The following MTUS2 variants were observed in gnomAD, a reference collection of about 807,000 sequenced individuals.
MTUS2 encodes microtubule-associated tumor suppressor candidate 2.
Under a neutral mutation model 114.1 loss-of-function variants are expected in MTUS2, and 40 were observed. That is an observed-to-expected ratio of 0.35 (90% CI 0.27 to 0.46). The LOEUF (loss-of-function observed/expected upper bound fraction) is 0.46, where lower values mean the gene tolerates loss of function less well. MTUS2 is among the 20% of genes least tolerant of loss of function. The pLI, the probability that MTUS2 is intolerant of heterozygous loss-of-function variation, is 1.00. For missense variants in MTUS2, 1,679 were observed against 1,705.4 expected, an observed-to-expected ratio of 0.98 and a Z score of 0.27; for synonymous variants, 688 against 672.0, an observed-to-expected ratio of 1.02 and a Z score of -0.37.
At chr13:28,903,016 A>G (rs1475463299) in intron 2 of MTUS2, among the ~76,000 whole-genome samples, 1 of 152,080 alleles carries the variant, frequency 6.6e-6, no homozygotes, top group Admixed American at 6.6e-5. Context: ...GGGCTGTTCA[A>G]ATGATTTCTT....
chr13:28,965,925 A>G (rs974816043), intron 2 of MTUS2, among the ~76,000 whole-genome samples: 2 of 152,206 alleles, frequency 1.3e-5, no homozygotes, highest in African/African-American at 4.8e-5. Flanking sequence ...CTTTACAGCA[A>G]CATCTAGATG....
intron 2 of MTUS2, among the ~76,000 whole-genome samples, chr13:29,013,787 C>T (rs1037927646): frequency 5.3e-5 from 8 of 152,358 alleles, no homozygotes; most frequent in South Asian, 2.1e-4. Flanking sequence ...CACACACATA[C>T]GTGCACAGGC....
chr13:28,847,783 A>G (rs2138015735), intron 2 of MTUS2, among the ~76,000 whole-genome samples: 1 of 152,284 alleles, frequency 6.6e-6, no homozygotes, highest in East Asian at 1.9e-4. Flanking sequence ...AGCAGCCCTG[A>G]AGACTGATGC....
At chr13:28,922,191 C>T (rs955821087) in intron 2 of MTUS2, among the ~76,000 whole-genome samples, 6 of 152,294 alleles carry the variant, frequency 3.9e-5, no homozygotes, top group Admixed American at 2.0e-4. Context: ...TTCCCCTTCA[C>T]GCTTCCACCA....
chr13:28,976,981 G>A lies in MTUS2; in HGVS notation c.-242-47476G>A, dbSNP rs118048075. Among the ~76,000 whole-genome samples the A allele has an allele frequency of 5.5e-3, 843 of 152,246 alleles. 7 individuals carry two copies. The highest frequency in any genetic ancestry group is 9.2e-3 in the Non-Finnish European group (626 of 68,012). On this transcript the variant is annotated intron_variant, in intron 2 of 15. Coordinates refer to ENST00000612955, the MANE Select transcript of MTUS2 (RefSeq NM_001033602.4). Reference sequence around the variant, plus strand: ...GGAAGGGATAGAGAGAAGGGGCTTAGGTTTTATGATATACCCTTCCCCCCT... The same window carrying A: ...GGAAGGGATAGAGAGAAGGGGCTTAAGTTTTATGATATACCCTTCCCCCCT...
rs11433859 is a variant in MTUS2, at chr13:29,365,494, G to GTT, written c.3117+6027_3117+6028dup. On this transcript the variant is annotated intron_variant, in intron 8 of 15. Transcript: ENST00000612955. ...CTCACTTATGCTTTGTCATCAATACGTTTTTTTGTTTGGGTTTGTGTGTGT... is the reference window on the plus strand; with the variant it reads ...CTCACTTATGCTTTGTCATCAATACGTTTTTTTTTGTTTGGGTTTGTGTGTGT... 5.7e-3 allele frequency among the ~76,000 whole-genome samples: 858 copies of GTT among 151,178 alleles called. 2 individuals are homozygous for GTT. The highest frequency in any genetic ancestry group is 0.011 in the Non-Finnish European group (719 of 67,894).
chr13:29,029,191 C>T (rs1026235600), intron 3 of MTUS2, among the ~76,000 whole-genome samples: 4 of 152,138 alleles, frequency 2.6e-5, no homozygotes, highest in Non-Finnish European at 4.4e-5. Flanking sequence ...AACGGACTTC[C>T]TACCTCACAT....
intron 2 of MTUS2, among the ~76,000 whole-genome samples, chr13:28,915,194 C>G (rs932612366): frequency 7.9e-5 from 12 of 151,812 alleles, no homozygotes; most frequent in African/African-American, 2.9e-4. Context: ...ATTTATTCAT[C>G]TGTTGATGGA....
chr13:28,924,938 A>G (rs1370279474), intron 2 of MTUS2, among the ~76,000 whole-genome samples: 1 of 151,908 alleles, frequency 6.6e-6, no homozygotes, highest in Non-Finnish European at 1.5e-5. Flanking sequence ...GCTTGGAAAG[A>G]TAAACCAGCA....
At chr13:28,941,187 A>G (rs1168150115) in intron 2 of MTUS2, among the ~76,000 whole-genome samples, 1 of 152,116 alleles carries the variant, frequency 6.6e-6, no homozygotes, top group Non-Finnish European at 1.5e-5. Context: ...ATACACTCTT[A>G]AGCATTTTTG....
At chr13:28,835,455 A>T (rs1436075289) in intron 1 of MTUS2, among the ~76,000 whole-genome samples, 1 of 152,220 alleles carries the variant, frequency 6.6e-6, no homozygotes, top group Non-Finnish European at 1.5e-5. Context: ...AGAATAGGCA[A>T]ATTCAAGTGA....
intron 5 of MTUS2, among the ~76,000 whole-genome samples, chr13:29,235,156 G>A (rs1242451192): frequency 6.6e-6 from 1 of 152,068 alleles, no homozygotes; most frequent in African/African-American, 2.4e-5. Context: ...GAGTGCAGTG[G>A]CACGATCTCA....
rs1181336832 is a variant in MTUS2, at chr13:29,198,467, C to T, written c.2645-83237C>T. Among the ~76,000 whole-genome samples the T allele has an allele frequency of 2.6e-5, 4 of 152,198 alleles. No individual in the cohort carries two copies. In the East Asian group the frequency reaches 7.7e-4, roughly 29 times the overall value. ...TACCAGTACCATGCTGTTTTGGTTA[C>T]TGTAGCCTTGTAGTATAGTTTGAAG... is the stretch of plus-strand genomic sequence containing the variant. On this transcript the variant is annotated intron_variant, in intron 5 of 15. Transcript: ENST00000612955.
intron 2 of MTUS2, among the ~76,000 whole-genome samples, chr13:28,939,337 A>G (rs1882097809): frequency 6.6e-6 from 1 of 152,184 alleles, no homozygotes; most frequent in South Asian, 2.1e-4. Context: ...GACTAGGGGC[A>G]TTTTTAACTG....
At chr13:29,497,630 C>T (rs547949893) in intron 13 of MTUS2, 119 of 422,922 alleles carry the variant, frequency 2.8e-4, no homozygotes, top group East Asian at 2.5e-3. Flanking sequence ...AACCCCCCTC[C>T]GCTGGCCTGA....
At position 29,333,586 on chromosome 13, in the gene MTUS2, TGAG is replaced by T. The variant is rs1472284157; in HGVS notation, c.2905+8879_2905+8881del. 4.6e-5 allele frequency among the ~76,000 whole-genome samples: 7 copies of T among 152,344 alleles called. No homozygotes were observed. In the South Asian group the frequency reaches 8.3e-4, roughly 18 times the overall value. On this transcript the variant is annotated intron_variant, in intron 7 of 15. Coordinates refer to ENST00000612955, the MANE Select transcript of MTUS2 (RefSeq NM_001033602.4). ...AGGATTTACATTCTTTTGCATTTTCTGAGGAGTTTTTTACTTCCGATTATGTGG... is the reference window on the plus strand; with the variant it reads ...AGGATTTACATTCTTTTGCATTTTCTGAGTTTTTTACTTCCGATTATGTGG...
intron 4 of MTUS2, among the ~76,000 whole-genome samples, chr13:29,093,203 G>A (rs941441723): frequency 2.0e-5 from 3 of 152,312 alleles, no homozygotes; most frequent in African/African-American, 7.2e-5. Context: ...CCAGCACTTT[G>A]GGAGACTAAG....
intron 6 of MTUS2, among the ~76,000 whole-genome samples, chr13:29,288,186 G>A (rs1303534066): frequency 1.3e-5 from 2 of 152,200 alleles, no homozygotes; most frequent in African/African-American, 2.4e-5. Context: ...GTTTTAAGTT[G>A]GAGATTTCCA....
chr13:28,847,909 A>T (rs1386566493), intron 2 of MTUS2, among the ~76,000 whole-genome samples: 1 of 152,290 alleles, frequency 6.6e-6, no homozygotes, highest in African/African-American at 2.4e-5. Context: ...GGGAGTAGCT[A>T]GGCCTATTCA....
Sources: allele counts gnomAD v4.1 joint callset (sites outside exome capture counted in the v4.1 genomes callset), GRCh38; gene constraint gnomAD v4.1.1; transcripts MANE v1.5; gene names NCBI Gene and HGNC (gene_info 2026-07-23, HGNC 2026-07-21).